APAF1: variants seen among roughly 807,000 people sequenced by gnomAD.
APAF1 encodes the protein apoptotic protease-activating factor 1.
In APAF1, 91 loss-of-function variants were observed where a neutral mutation model predicts 152.4. The observed-to-expected ratio is 0.60, with a 90% confidence interval of 0.50 to 0.71. APAF1 has a LOEUF of 0.71. Among genes scored for constraint, APAF1 ranks in the 30% least tolerant of loss-of-function variants. The pLI is 0.00. For synonymous variants in APAF1, 484 were observed against 494.1 expected, an observed-to-expected ratio of 0.98 and a Z score of 0.27; for missense variants, 1,283 against 1,472.0, an observed-to-expected ratio of 0.87 and a Z score of 2.10.
intron 26 of APAF1, among the ~76,000 whole-genome samples, chr12:98,730,025 T>G (rs1036670794): frequency 1.3e-5 from 2 of 152,188 alleles, no homozygotes; most frequent in African/African-American, 2.4e-5. Flanking sequence ...GAGGTGGATA[T>G]CCCAATTATC....
chr12:98,688,700 G>T (rs1184090791), intron 16 of APAF1, among the ~76,000 whole-genome samples: 2 of 147,450 alleles, frequency 1.4e-5, no homozygotes, highest in Non-Finnish European at 3.0e-5. Context: ...CTTGTCTCCA[G>T]CTCCTGGGCT....
intron 19 of APAF1, 78 bp from the exon 20 acceptor site, chr12:98,708,507 A>G (rs1317897320): frequency 6.9e-7 from 1 of 1,453,844 alleles, no homozygotes; most frequent in East Asian, 2.3e-5. Context: ...TTTATGTGAA[A>G]CATAGTTTGT....
chr12:98,709,398 T>C (rs559135967), intron 20 of APAF1, among the ~76,000 whole-genome samples: 1 of 152,098 alleles, frequency 6.6e-6, no homozygotes, highest in South Asian at 2.1e-4. Context: ...CAAAGATCCA[T>C]TGGCAGAGGA....
intron 7 of APAF1, among the ~76,000 whole-genome samples, chr12:98,665,285 T>A (rs1328489334): frequency 3.5e-5 from 5 of 144,096 alleles, no homozygotes; most frequent in African/African-American, 1.2e-4. Context: ...TATATTTTTT[T>A]TTTTTTTTGT....
intron 19 of APAF1, 103 bp downstream of exon 19, chr12:98,706,713 A>C (rs1002522901): frequency 6.0e-5 from 78 of 1,307,126 alleles, no homozygotes; most frequent in Non-Finnish European, 8.1e-5. Context: ...GCAGAATAGG[A>C]AACTAGTACT....
intron 9 of APAF1, 108 bp from the exon 10 acceptor site, chr12:98,667,405 C>T (rs536177549): frequency 1.7e-5 from 24 of 1,402,852 alleles, no homozygotes; most frequent in Middle Eastern, 4.1e-4. Flanking sequence ...CGTGAGCCAC[C>T]GAGCCCGGCC....
At position 98,665,783 on chromosome 12, in the gene APAF1, C is replaced by T. The variant is rs1261022174; in HGVS notation, c.1186C>T (p.Pro396Ser). The T allele has an allele frequency of 1.9e-6, 3 of 1,607,338 alleles. No homozygotes were observed. The highest frequency in any genetic ancestry group is 2.6e-6 in the Non-Finnish European group (3 of 1,174,044). Residue 396 changes from proline (P) to serine (S), a missense_variant, in exon 8 of 27, where the codon CCT becomes TCT. Pro to Ser is a moderately conservative substitution (Grantham distance 74, BLOSUM62 -1). Transcript: ENST00000551964. ...CATCCTTCAGAAGGACGTTAAGGTGCCTACAAAGGTAATGGGATCAATGAT... is the reference window on the plus strand; with the variant it reads ...CATCCTTCAGAAGGACGTTAAGGTGTCTACAAAGGTAATGGGATCAATGAT... ...LSILQKDVKVPTKVLCILWDM... is the reference protein window; with the variant it reads ...LSILQKDVKVSTKVLCILWDM...
intron 5 of APAF1, among the ~76,000 whole-genome samples, chr12:98,659,722 A>G (rs1306663355): frequency 7.3e-6 from 1 of 136,368 alleles, no homozygotes; most frequent in Non-Finnish European, 1.5e-5. Context: ...ATTGCACTCT[A>G]GCCTGGGCAA....
Position 98,662,490 on chromosome 12 carries a change from T to C in APAF1, c.745T>C (p.Trp249Arg). 2 of 1,613,670 alleles carry C rather than the reference T, an allele frequency of 1.2e-6. No individual in the cohort carries two copies. Among genetic ancestry groups the C allele is most frequent in the South Asian group, 1.1e-5 (1 of 91,062 alleles). ...LLILDDVWDSWVLKAFDSQCQ... is the reference protein window; with the variant it reads ...LLILDDVWDSRVLKAFDSQCQ... ...GATCTTGGATGATGTTTGGGACTCT[T>C]GGGTGTTGAAAGCTTTTGACAGTCA... is the stretch of plus-strand genomic sequence containing the variant. Residue 249 changes from tryptophan (W) to arginine (R), a missense_variant, in exon 6 of 27, where the codon TGG becomes CGG. Coordinates refer to ENST00000551964, the MANE Select transcript of APAF1 (RefSeq NM_181861.2).
chr12:98,661,928 A>C (rs1218592840), intron 5 of APAF1, among the ~76,000 whole-genome samples: 1 of 152,158 alleles, frequency 6.6e-6, no homozygotes, highest in Non-Finnish European at 1.5e-5. Flanking sequence ...GGTTACTATG[A>C]ATAAACAAAT....
chr12:98,649,398 C>G, intron 3 of APAF1, 89 bp from the exon 4 acceptor site: 1 of 1,477,524 alleles, frequency 6.8e-7, no homozygotes, highest in Non-Finnish European at 9.4e-7. Context: ...CAGGCTAAGC[C>G]TCAGCTTTGC....
intron 16 of APAF1, among the ~76,000 whole-genome samples, chr12:98,696,140 C>G (rs769388330): frequency 2.0e-5 from 3 of 152,046 alleles, no homozygotes; most frequent in Non-Finnish European, 4.4e-5. Context: ...AAACATAATA[C>G]CTGAGACTGG....
intron 11 of APAF1, 38 bp downstream of exon 11, chr12:98,671,124 A>G (rs552841078): frequency 1.8e-5 from 23 of 1,274,162 alleles, no homozygotes; most frequent in Middle Eastern, 3.9e-4. Context: ...GCTAAAAAGG[A>G]ATCTCATTTT....
intron 4 of APAF1, among the ~76,000 whole-genome samples, chr12:98,655,008 G>A (rs2097654786): frequency 8.1e-6 from 1 of 122,922 alleles, no homozygotes; most frequent in Non-Finnish European, 1.7e-5. Flanking sequence ...CTGATTACTT[G>A]AGATCAGGGA....
intron 25 of APAF1, among the ~76,000 whole-genome samples, chr12:98,725,834 G>A (rs1434005408): frequency 1.3e-5 from 2 of 152,198 alleles, no homozygotes; most frequent in African/African-American, 2.4e-5. Context: ...TTAATTCTTG[G>A]ACTTGAACCA....
intron 26 of APAF1, among the ~76,000 whole-genome samples, chr12:98,731,131 G>C (rs61932057): frequency 0.022 from 3,302 of 152,246 alleles, 40 homozygotes; most frequent in Non-Finnish European, 0.034. Context: ...TTGTGACCTT[G>C]CACAAGATTG....
intron 7 of APAF1, among the ~76,000 whole-genome samples, chr12:98,665,278 A>ATTTT (rs376318016): frequency 1.2e-4 from 8 of 65,990 alleles, no homozygotes; most frequent in South Asian, 5.3e-4. Context: ...ATATATATAT[A>ATTTT]TTTTTTTTTT....
At chr12:98,678,917 G>T (rs2097689420) in intron 13 of APAF1, among the ~76,000 whole-genome samples, 1 of 152,148 alleles carries the variant, frequency 6.6e-6, no homozygotes, top group Non-Finnish European at 1.5e-5. Context: ...GTTTGATACT[G>T]GCCTGCAGGC....
chr12:98,727,889 C>T (rs546575677), intron 26 of APAF1, among the ~76,000 whole-genome samples: 18 of 150,132 alleles, frequency 1.2e-4, no homozygotes, highest in Non-Finnish European at 1.8e-4. Flanking sequence ...TGCAGTGAGC[C>T]GAGATCACAC....
Sources: allele counts gnomAD v4.1 joint callset (sites outside exome capture counted in the v4.1 genomes callset), GRCh38; gene constraint gnomAD v4.1.1; transcripts MANE v1.5; gene names NCBI Gene and HGNC (gene_info 2026-07-23, HGNC 2026-07-21).